Variants in POLD1 observed in about 807,000 individuals in gnomAD.
POLD1 encodes DNA polymerase delta 1, catalytic subunit.
POLD1 carries 79 observed loss-of-function variants against 129.7 expected under a neutral mutation model. That is an observed-to-expected ratio of 0.61 (90% CI 0.51 to 0.73). The LOEUF is 0.73. Among genes scored for constraint, POLD1 ranks in the 30% least tolerant of loss-of-function variants. POLD1 has a pLI of 0.00. For synonymous variants in POLD1, 714 were observed against 683.3 expected (o/e 1.04, Z -0.70); for missense variants, 1,338 against 1,595.8 (o/e 0.84, Z 2.75).
intron 1 of POLD1, among the ~76,000 whole-genome samples, chr19:50,388,727 C>T (rs1411433067): frequency 2.0e-5 from 3 of 151,364 alleles, no homozygotes; most frequent in Non-Finnish European, 4.4e-5. Context: ...TATCCAAGCA[C>T]ATGCATATAC....
rs2038987366 is a variant in POLD1, at chr19:50,408,753, C to G, written c.1776-32C>G. 6.2e-7 allele frequency: 1 copy of G among 1,611,722 alleles called. No homozygotes were observed. Among genetic ancestry groups the G allele is most frequent in the Non-Finnish European group, 8.5e-7 (1 of 1,179,180 alleles). On this transcript the variant is annotated intron_variant, in intron 14 of 26. Transcript: ENST00000440232. Reference sequence around the variant, plus strand: ...GGGGGCGGCATGGGAACTCCTAGCCCTGACTCCCGGCCGCGGCTGCTCCCC... The same window carrying G: ...GGGGGCGGCATGGGAACTCCTAGCCGTGACTCCCGGCCGCGGCTGCTCCCC...
intron 1 of POLD1, among the ~76,000 whole-genome samples, chr19:50,386,926 C>G (rs1253282870): frequency 6.6e-6 from 1 of 152,186 alleles, no homozygotes; most frequent in African/African-American, 2.4e-5. Context: ...GGCGCGGTGG[C>G]TAAGGCCTGT....
chr19:50,416,883 C>T, intron 24 of POLD1, 160 bp downstream of exon 24: 1 of 989,324 alleles, frequency 1.0e-6, no homozygotes, highest in Admixed American at 2.8e-5. Flanking sequence ...GGGTCCTCGG[C>T]CCCCACCCCG....
At chr19:50,395,940 A>C (rs1016333025) in intron 1 of POLD1, among the ~76,000 whole-genome samples, 4 of 138,522 alleles carry the variant, frequency 2.9e-5, no homozygotes, top group Admixed American at 2.2e-4. Context: ...CCAGTCTTAA[A>C]CTCCTGGGCT....
In POLD1 at chr19:50,401,894, G is replaced by A. The variant is rs137953986; in HGVS notation, c.433G>A (p.Ala145Thr). 4,331 of 1,613,944 alleles carry A rather than the reference G, an allele frequency of 2.7e-3. 7 individuals are homozygous for A. The highest frequency in any genetic ancestry group is 2.7e-3 in the Non-Finnish European group (3,187 of 1,179,938). ...FSVCCHIHGF[A>T]PYFYTPAPPG... Reference sequence around the variant, plus strand: ...TGTCTGCTGCCACATCCACGGCTTCGCTCCCTACTTCTACACCCCAGCGCC... The same window carrying A: ...TGTCTGCTGCCACATCCACGGCTTCACTCCCTACTTCTACACCCCAGCGCC... The change falls in exon 4 of 27, where the codon GCT (alanine) becomes ACT (threonine). Residue 145 changes from alanine (A) to threonine (T), a missense_variant. Physicochemically the swap from Ala to Thr is moderately conservative, Grantham distance 58. Coordinates refer to ENST00000440232, the MANE Select transcript of POLD1 (RefSeq NM_002691.4).
intron 24 of POLD1, 138 bp downstream of exon 24, chr19:50,416,861 A>AC: frequency 1.1e-6 from 1 of 930,498 alleles, no homozygotes; most frequent in Non-Finnish European, 1.6e-6. Context: ...CCCTGTCTCC[A>AC]CCCCCCACAG....
chr19:50,393,923 A>T (rs1477328055), intron 1 of POLD1: 1 of 152,156 alleles, frequency 6.6e-6, no homozygotes, highest in East Asian at 1.9e-4. Context: ...ACCTCCCTGA[A>T]CATTTCTAAC....
intron 1 of POLD1, among the ~76,000 whole-genome samples, chr19:50,394,483 C>G (rs1388988024): frequency 6.6e-6 from 1 of 152,004 alleles, no homozygotes; most frequent in East Asian, 1.9e-4. Context: ...GAAACCCCAT[C>G]TCTACTAAAA....
intron 19 of POLD1, 61 bp from the exon 20 acceptor site, chr19:50,414,754 C>A: frequency 7.6e-7 from 1 of 1,320,792 alleles, no homozygotes; most frequent in Non-Finnish European, 1.0e-6. Flanking sequence ...TTCTGGGGGG[C>A]GTCTCCAGAT....
intron 1 of POLD1, among the ~76,000 whole-genome samples, chr19:50,398,237 G>A (rs975933814): frequency 6.6e-5 from 10 of 152,126 alleles, no homozygotes; most frequent in African/African-American, 2.2e-4. Context: ...ATGGGTGGTT[G>A]GTAGGCGAGG....
At chr19:50,402,160 C>A (rs2038668956) in intron 5 of POLD1, 36 bp downstream of exon 5, 1 of 1,594,144 alleles carries the variant, frequency 6.3e-7, no homozygotes, top group Non-Finnish European at 8.6e-7. Flanking sequence ...GTTGGAGGGT[C>A]CCCTCGGGAG....
rs1568626490 is a variant in POLD1 at position 50,406,378 on chromosome 19, G to GCAGCCCAC, written c.1384-19_1384-12dup. On this transcript the variant is annotated intron_variant, in intron 11 of 26. Transcript: ENST00000440232. This position sits in a 1 kb window ranked among gnomAD's most constrained non-coding sequence, Gnocchi z 5.5. ...CCTTGGAAGGCCACTGCCCAGGCCC[G>GCAGCCCAC]CAGCCCACCAGCCCACCCACCCACC... is the stretch of plus-strand genomic sequence containing the variant. 1 of 1,609,238 alleles carries GCAGCCCAC rather than the reference G, an allele frequency of 6.2e-7. No individual in the cohort carries two copies. The highest frequency in any genetic ancestry group is 1.7e-5 in the Admixed American group (1 of 59,070).
chr19:50,384,461 C>G (rs2037897955), intron 1 of POLD1, 71 bp downstream of exon 1: 1 of 152,482 alleles, frequency 6.6e-6, no homozygotes, highest in Non-Finnish European at 1.5e-5. Flanking sequence ...CAGCCAGGCA[C>G]ATAGATCTGA....
rs1601246772 is a variant in POLD1, at chr19:50,416,518, T to C, written c.2943T>C (p.Ala981=). The part of the protein sequence containing the change: ...EPILGEGRAE[A]VLLRGDHTRC... ...TCCTGGGCGAGGGCCGTGCCGAGGCTGTGCTACTGCGTACGGGGGCACCAG... is the reference window on the plus strand; with the variant it reads ...TCCTGGGCGAGGGCCGTGCCGAGGCCGTGCTACTGCGTACGGGGGCACCAG... Residue 981 remains alanine (A), a synonymous_variant, in exon 23 of 27, where the codon GCT becomes GCC. Coordinates refer to ENST00000440232, the MANE Select transcript of POLD1 (RefSeq NM_002691.4). 3 of 1,553,260 alleles carry C rather than the reference T, an allele frequency of 1.9e-6. No homozygotes were observed. Among genetic ancestry groups the C allele is most frequent in the African/African-American group, 2.7e-5 (2 of 73,404 alleles).
chr19:50,401,038 C>T (rs1269208459), intron 3 of POLD1, among the ~76,000 whole-genome samples: 1 of 151,390 alleles, frequency 6.6e-6, no homozygotes, highest in Non-Finnish European at 1.5e-5. Flanking sequence ...GGCATGGTGG[C>T]TCACTTTTGG....
At position 50,409,415 on chromosome 19, in the gene POLD1, C is replaced by G. The variant is rs1236817625; in HGVS notation, c.2007-104C>G. ...GCCCCCTTGGCCAGAAGCTTCTGTGCAGTGCACAGTACGCCCAACCGTACA... is the reference window on the plus strand; with the variant it reads ...GCCCCCTTGGCCAGAAGCTTCTGTGGAGTGCACAGTACGCCCAACCGTACA... On this transcript the variant is annotated intron_variant, in intron 16 of 26. Transcript: ENST00000440232. The surrounding 1 kb of genome is among the most constrained non-coding windows in gnomAD (Gnocchi z 5.8). 8.7e-6 allele frequency: 13 copies of G among 1,493,502 alleles called. No individual in the cohort carries two copies. The highest frequency in any genetic ancestry group is 1.2e-5 in the Non-Finnish European group (13 of 1,081,188). The allele number at this position is 1,493,502 out of a possible 1,614,324, so 92.5% of individuals were successfully genotyped here.
intron 22 of POLD1, 185 bp downstream of exon 22, chr19:50,416,011 T>C (rs1328917407): frequency 8.7e-6 from 5 of 575,844 alleles, no homozygotes; most frequent in Non-Finnish European, 1.5e-5. Context: ...TTCTGACCCC[T>C]CCCTTGCTTC....
rs140858857 is a variant in POLD1, at chr19:50,399,469, A to T, written c.301A>T (p.Ile101Phe). Residue 101 changes from isoleucine to phenylalanine, a missense_variant, in exon 3 of 27, where the codon ATT becomes TTT. Transcript: ENST00000440232. ...GCCCCTCATCTTCCAACAGTTGGAG[A>T]TTGACCATTATGTGGGTGAGTTTAG... ...TEPLIFQQLE[I>F]DHYVGPAQPV... 60 of 1,612,146 alleles carry T rather than the reference A, an allele frequency of 3.7e-5. No homozygotes were observed. The highest frequency in any genetic ancestry group is 4.8e-5 in the Non-Finnish European group (56 of 1,178,390).
intron 1 of POLD1, among the ~76,000 whole-genome samples, chr19:50,388,801 C>G (rs1411842527): frequency 6.7e-6 from 1 of 148,610 alleles, no homozygotes; most frequent in Non-Finnish European, 1.5e-5. Context: ...GATACTTCAC[C>G]TCTGAAAACT....
Sources: gnomAD v4.1 joint callset for allele counts (sites outside exome capture counted in the v4.1 genomes callset) on GRCh38, gnomAD v4.1.1 for gene constraint, Gnocchi (gnomAD v3.1) non-coding constraint, MANE v1.5 for transcripts, NCBI Gene and HGNC (gene_info 2026-07-23, HGNC 2026-07-21) for gene names.